GOLGA4: variants seen among roughly 807,000 people sequenced by gnomAD.
GOLGA4 encodes golgin A4.
Under a neutral mutation model 265.9 loss-of-function variants are expected in GOLGA4, and 169 were observed. The ratio of observed to expected loss-of-function variants is 0.64; its 90% CI spans 0.56 to 0.72. GOLGA4 has a LOEUF of 0.72. Among genes scored for constraint, GOLGA4 ranks in the 30% least tolerant of loss-of-function variants. The pLI, the probability that GOLGA4 is intolerant of heterozygous loss-of-function variation, is 0.00. For missense variants in GOLGA4, 2,482 were observed against 2,483.4 expected (o/e 1.00, Z 0.01); for synonymous variants, 923 against 855.8 (o/e 1.08, Z -1.37).
chr3:37,334,037 T>G (rs1172889472), intron 16 of GOLGA4, among the ~76,000 whole-genome samples: 1 of 152,208 alleles, frequency 6.6e-6, no homozygotes, highest in Non-Finnish European at 1.5e-5. Flanking sequence ...ACACTTGCCC[T>G]CATTACTCAA....
chr3:37,277,511 A>G (rs1024107339), intron 2 of GOLGA4, among the ~76,000 whole-genome samples: 2 of 152,214 alleles, frequency 1.3e-5, no homozygotes, highest in African/African-American at 4.8e-5. Flanking sequence ...ATCTATACTG[A>G]CCAAGGATTA....
rs973124415 is a variant in GOLGA4, at chr3:37,355,006, G to A, written c.6577-95G>A. ...TCTTTGTTCGTGGCTTTCATTGAGA[G>A]CACTAAAGAATCCCACCAGCAGAAC... On this transcript the variant is annotated intron_variant, in intron 21 of 23. Transcript: ENST00000361924. 5.4e-6 allele frequency: 4 copies of A among 735,274 alleles called. No individual in the cohort carries two copies. In the African/African-American group the frequency reaches 7.0e-5, roughly 13 times the overall value. The allele number at this position is 735,274 out of a possible 1,614,324, so 45.5% of individuals were successfully genotyped here. A position where few individuals can be genotyped will look rare whatever the true frequency, so the allele number is the denominator to read the frequency against.
intron 10 of GOLGA4, among the ~76,000 whole-genome samples, chr3:37,303,573 A>G (rs149348466): frequency 6.6e-6 from 1 of 152,370 alleles, no homozygotes; most frequent in East Asian, 1.9e-4. Flanking sequence ...AATTTGACCC[A>G]GTCATGAGCT....
At chr3:37,363,438 G>A (rs1696497971) in intron 23 of GOLGA4, among the ~76,000 whole-genome samples, 1 of 152,148 alleles carries the variant, frequency 6.6e-6, no homozygotes, top group Non-Finnish European at 1.5e-5. Context: ...CTTTTAGTTT[G>A]AAACATTTCA....
At chr3:37,261,101 G>T (rs1447642554) in intron 2 of GOLGA4, among the ~76,000 whole-genome samples, 2 of 151,656 alleles carry the variant, frequency 1.3e-5, no homozygotes, top group African/African-American at 2.4e-5. Context: ...ATCCCAGGAG[G>T]TCGAGGTTGC....
intron 2 of GOLGA4, among the ~76,000 whole-genome samples, chr3:37,253,048 A>T (rs1560271948): frequency 6.6e-6 from 1 of 152,114 alleles, no homozygotes; most frequent in African/African-American, 2.4e-5. Context: ...CAGGAGTTTG[A>T]GACCAGCCTG....
chr3:37,278,964 C>T (rs2096827265), intron 2 of GOLGA4, among the ~76,000 whole-genome samples: 1 of 152,074 alleles, frequency 6.6e-6, no homozygotes, highest in Non-Finnish European at 1.5e-5. Context: ...AGATGTCAGC[C>T]ATCACGTCTG....
chr3:37,302,039 T>C (rs753116259), intron 9 of GOLGA4, 146 bp from the exon 10 acceptor site: 37 of 655,934 alleles, frequency 5.6e-5, no homozygotes, highest in Non-Finnish European at 8.5e-5. Flanking sequence ...TCCACCCTCC[T>C]TGGCCTCCCA....
At chr3:37,253,322 A>G (rs901256760) in intron 2 of GOLGA4, among the ~76,000 whole-genome samples, 6 of 152,206 alleles carry the variant, frequency 3.9e-5, no homozygotes, top group Non-Finnish European at 7.4e-5. Context: ...AGTTTAACAA[A>G]ATGAGAAACC....
intron 2 of GOLGA4, among the ~76,000 whole-genome samples, chr3:37,260,993 C>A (rs1299034118): frequency 7.4e-6 from 1 of 134,856 alleles, no homozygotes; most frequent in Admixed American, 7.4e-5. Flanking sequence ...ATAGTGAGAC[C>A]CTGTCTCTAC....
rs768690122 is a variant in GOLGA4, at chr3:37,302,331, T to C, written c.1233T>C (p.Ala411=). 4 of 1,612,332 alleles carry C rather than the reference T, an allele frequency of 2.5e-6. No individual in the cohort carries two copies. Among genetic ancestry groups the C allele is most frequent in the South Asian group, 1.1e-5 (1 of 90,888 alleles). Residue 411 remains alanine, a splice_region_variant and synonymous_variant, in exon 10 of 24, where the codon GCT becomes GCC. Coordinates refer to ENST00000361924, the MANE Select transcript of GOLGA4 (RefSeq NM_002078.5). ...AACAGAAAGAAAAGTCCGAAAGAGC[T>C]GGTAAGAACTTGAGGGTTACTTGTT... is the stretch of plus-strand genomic sequence containing the variant. The part of the protein sequence containing the change: ...LREQKEKSER[A]AFEELEKALS...
chr3:37,362,297 CG>C (rs1696360930), intron 23 of GOLGA4, among the ~76,000 whole-genome samples: 1 of 145,578 alleles, frequency 6.9e-6, no homozygotes, highest in South Asian at 2.1e-4. Context: ...AGTGCAGTGG[CG>C]GGATCTCGGC....
rs2097016042 is a variant in GOLGA4 at position 37,337,060 on chromosome 3, CTTATATCT to C, written c.6307-76_6307-69del. Reference sequence around the variant, plus strand: ...ACTCTTAACCCTGACTTCCTTTTTCCTTATATCTTTATATTGCTTTGTTTTACTGTTTC... The same window carrying C: ...ACTCTTAACCCTGACTTCCTTTTTCCTTATATTGCTTTGTTTTACTGTTTC... On this transcript the variant is annotated intron_variant, in intron 17 of 23. Coordinates refer to ENST00000361924, the MANE Select transcript of GOLGA4 (RefSeq NM_002078.5). 27 of 914,216 alleles carry C rather than the reference CTTATATCT, an allele frequency of 3.0e-5. No homozygotes were observed. The South Asian group carries it at 3.9e-4, about 13-fold the overall frequency. 56.6% of individuals were successfully genotyped at this position (914,216 alleles called of 1,614,324 possible). A position where few individuals can be genotyped will look rare whatever the true frequency, so the allele number is the denominator to read the frequency against.
At chr3:37,293,628 C>A (rs2096870551) in intron 5 of GOLGA4, among the ~76,000 whole-genome samples, 1 of 152,152 alleles carries the variant, frequency 6.6e-6, no homozygotes, top group Non-Finnish European at 1.5e-5. Flanking sequence ...ATGTGCTAAC[C>A]TCCGGCATTC....
intron 1 of GOLGA4, 50 bp downstream of exon 1, chr3:37,243,672 G>T: frequency 6.8e-7 from 1 of 1,467,750 alleles, no homozygotes; most frequent in Non-Finnish European, 9.5e-7. Flanking sequence ...CTCTTGAACC[G>T]GCCCGCGGAC....
chr3:37,308,284 A>T (rs2096912978), intron 10 of GOLGA4, among the ~76,000 whole-genome samples: 1 of 151,624 alleles, frequency 6.6e-6, no homozygotes, highest in Non-Finnish European at 1.5e-5. Context: ...AAATTGGTAA[A>T]TTTTTTGAAA....
chr3:37,248,450 T>C (rs1036583265), intron 1 of GOLGA4, among the ~76,000 whole-genome samples: 1 of 152,190 alleles, frequency 6.6e-6, no homozygotes, highest in Non-Finnish European at 1.5e-5. Context: ...TCAAGTTTGG[T>C]TTGAAGGAAC....
At chr3:37,292,556 C>T (rs755194021) in intron 5 of GOLGA4, among the ~76,000 whole-genome samples, 21 of 151,946 alleles carry the variant, frequency 1.4e-4, no homozygotes, top group Non-Finnish European at 1.0e-4. Flanking sequence ...TGTGGTGGCA[C>T]GCACCTGTAG....
At chr3:37,244,475 C>T (rs1450422923) in intron 1 of GOLGA4, among the ~76,000 whole-genome samples, 1 of 152,172 alleles carries the variant, frequency 6.6e-6, no homozygotes, top group Non-Finnish European at 1.5e-5. Context: ...GGAGATGTTT[C>T]GATGCTGGCA....
Sources: gnomAD v4.1 joint callset for allele counts (sites outside exome capture counted in the v4.1 genomes callset) on GRCh38, gnomAD v4.1.1 for gene constraint, MANE v1.5 for transcripts, NCBI Gene and HGNC (gene_info 2026-07-23, HGNC 2026-07-21) for gene names.